The following THSD7A variants were observed in gnomAD, a reference collection of about 807,000 sequenced individuals.
The protein encoded by THSD7A is thrombospondin type-1 domain-containing protein 7A.
In THSD7A, 96 loss-of-function variants were observed where a neutral mutation model predicts 231.3. The ratio of observed to expected loss-of-function variants is 0.41; its 90% CI spans 0.35 to 0.49. The LOEUF is 0.49. Ranked by LOEUF, THSD7A falls within the 20% of genes least tolerant of loss-of-function variation. THSD7A has a pLI of 0.05. For missense variants in THSD7A, 2,290 were observed against 2,070.2 expected, an observed-to-expected ratio of 1.11 and a Z score of -2.06; for synonymous variants, 940 against 743.3, an observed-to-expected ratio of 1.26 and a Z score of -4.30.
intron 4 of THSD7A, among the ~76,000 whole-genome samples, chr7:11,560,570 C>T (rs976608748): frequency 2.0e-5 from 3 of 152,122 alleles, no homozygotes; most frequent in African/African-American, 7.2e-5. Context: ...CCAGTTTTTT[C>T]GCCTTCCAGA....
chr7:11,491,498 A>T (rs1311919458), intron 6 of THSD7A, among the ~76,000 whole-genome samples: 1 of 152,094 alleles, frequency 6.6e-6, no homozygotes, highest in Non-Finnish European at 1.5e-5. Context: ...TTGGTCATCA[A>T]ATCTTCTCAG....
intron 23 of THSD7A, among the ~76,000 whole-genome samples, chr7:11,396,780 T>C (rs1212839782): frequency 6.6e-6 from 1 of 152,224 alleles, no homozygotes; most frequent in Non-Finnish European, 1.5e-5. Context: ...ACTCATTTTA[T>C]GAGGCCACCA....
intron 11 of THSD7A, among the ~76,000 whole-genome samples, chr7:11,450,360 C>T (rs563616437): frequency 2.0e-5 from 3 of 152,136 alleles, no homozygotes; most frequent in African/African-American, 7.2e-5. Flanking sequence ...TAGCTATTCT[C>T]ACTCTGCACT....
intron 4 of THSD7A, among the ~76,000 whole-genome samples, chr7:11,550,657 G>C (rs528055198): frequency 3.3e-5 from 5 of 152,222 alleles, no homozygotes; most frequent in Non-Finnish European, 5.9e-5. Flanking sequence ...GGAACTGTGA[G>C]TCTATTAAAC....
At chr7:11,551,146 G>T (rs566559888) in intron 4 of THSD7A, among the ~76,000 whole-genome samples, 128 of 152,198 alleles carry the variant, frequency 8.4e-4, no homozygotes, top group Middle Eastern at 3.4e-3. Flanking sequence ...GTCATATGCT[G>T]AAAATTGAAA....
chr7:11,722,806 T>C (rs2077816511), intron 1 of THSD7A, among the ~76,000 whole-genome samples: 1 of 151,920 alleles, frequency 6.6e-6, no homozygotes, highest in African/African-American at 2.4e-5. Context: ...AGAATGGCGA[T>C]CATTAAAAAG....
intron 1 of THSD7A, among the ~76,000 whole-genome samples, chr7:11,715,801 A>C (rs1781116413): frequency 6.6e-6 from 1 of 151,506 alleles, no homozygotes; most frequent in Admixed American, 6.6e-5. Context: ...CTCATCCCTG[A>C]ACTTTCCAGA....
chr7:11,448,886 C>T (rs1049960459), intron 11 of THSD7A, among the ~76,000 whole-genome samples: 8 of 152,040 alleles, frequency 5.3e-5, no homozygotes, highest in African/African-American at 1.9e-4. Flanking sequence ...AAGAAAAGAA[C>T]AGGGGCCCCT....
intron 4 of THSD7A, among the ~76,000 whole-genome samples, chr7:11,556,249 TATTAC>T (rs1789838738): frequency 6.6e-6 from 1 of 151,576 alleles, no homozygotes; most frequent in Non-Finnish European, 1.5e-5. Flanking sequence ...TTGCTGTAGA[TATTAC>T]ATTACATATA....
chr7:11,492,512 A>G (rs986954277), intron 6 of THSD7A, among the ~76,000 whole-genome samples: 2 of 152,058 alleles, frequency 1.3e-5, no homozygotes, highest in Admixed American at 1.3e-4. Context: ...TGACTTACAC[A>G]TTCTATATTT....
At chr7:11,397,066 T>C (rs1175332254) in intron 23 of THSD7A, among the ~76,000 whole-genome samples, 3 of 152,222 alleles carry the variant, frequency 2.0e-5, no homozygotes. Context: ...AAGAGGCCTT[T>C]GACAAAATTC....
Position 11,374,341 on chromosome 7 carries a change from G to T in THSD7A, c.*1453C>A, listed in dbSNP as rs1330026761. 1 of 152,048 alleles carries T rather than the reference G, an allele frequency of 6.6e-6. No homozygotes were observed. Among genetic ancestry groups the T allele is most frequent in the Non-Finnish European group, 1.5e-5 (1 of 67,972 alleles). The allele number at this position is 152,048 out of a possible 1,614,324, so 9.4% of individuals were successfully genotyped here. Reference sequence around the variant, plus strand: ...AGTTTGCCACTCTTGCTCTAGATATGCAATGAAGTCTTGGATAAGATATTT... The same window carrying T: ...AGTTTGCCACTCTTGCTCTAGATATTCAATGAAGTCTTGGATAAGATATTT... On this transcript the variant is annotated 3_prime_UTR_variant, in exon 28 of 28. Coordinates refer to ENST00000423059, the MANE Select transcript of THSD7A (RefSeq NM_015204.3).
intron 15 of THSD7A, among the ~76,000 whole-genome samples, 159 bp from the exon 16 acceptor site, chr7:11,424,988 T>A (rs553130256): frequency 6.6e-6 from 1 of 152,304 alleles, no homozygotes; most frequent in Non-Finnish European, 1.5e-5. Flanking sequence ...ACTCAAGAGT[T>A]CTAGCAGTAG....
At chr7:11,496,601 T>C (rs935567048) in intron 6 of THSD7A, among the ~76,000 whole-genome samples, 1 of 152,130 alleles carries the variant, frequency 6.6e-6, no homozygotes, top group African/African-American at 2.4e-5. Flanking sequence ...TGCTCAACTA[T>C]CTAATGCACT....
At chr7:11,638,029 G>C (rs1365137040) in intron 1 of THSD7A, among the ~76,000 whole-genome samples, 2 of 152,182 alleles carry the variant, frequency 1.3e-5, no homozygotes, top group African/African-American at 2.4e-5. Flanking sequence ...TGTTGTGTGG[G>C]AAGGTGAGGG....
chr7:11,778,147 A>C (rs1487325121), intron 1 of THSD7A, among the ~76,000 whole-genome samples: 8 of 100,462 alleles, frequency 8.0e-5, no homozygotes, highest in Non-Finnish European at 1.5e-4. Context: ...ACAGAGCGAG[A>C]CTCCGTCTCA....
At chr7:11,434,741 T>A (rs1784579475) in intron 13 of THSD7A, among the ~76,000 whole-genome samples, 1 of 151,878 alleles carries the variant, frequency 6.6e-6, no homozygotes, top group South Asian at 2.1e-4. Flanking sequence ...TCTATTGTGG[T>A]CCTCACAGGC....
chr7:11,402,605 AGAT>A (rs1267535304), intron 22 of THSD7A, among the ~76,000 whole-genome samples: 1 of 152,218 alleles, frequency 6.6e-6, no homozygotes, highest in Non-Finnish European at 1.5e-5. Flanking sequence ...ATAGATGCAC[AGAT>A]GATAGCTGAA....
intron 6 of THSD7A, among the ~76,000 whole-genome samples, chr7:11,492,541 C>G (rs965147495): frequency 6.6e-6 from 1 of 151,910 alleles, no homozygotes; most frequent in Non-Finnish European, 1.5e-5. Context: ...AAAACAAGCA[C>G]CAGTAAACAC....
Sources: gnomAD v4.1 joint callset for allele counts (sites outside exome capture counted in the v4.1 genomes callset) on GRCh38, gnomAD v4.1.1 for gene constraint, MANE v1.5 for transcripts, NCBI Gene and HGNC (gene_info 2026-07-23, HGNC 2026-07-21) for gene names.